The following VPS13B variants were observed in gnomAD, a reference collection of about 807,000 sequenced individuals.
VPS13B encodes intermembrane lipid transfer protein VPS13B.
In VPS13B, 285 loss-of-function variants were observed where a neutral mutation model predicts 426.4. The ratio of observed to expected loss-of-function variants is 0.67; its 90% CI spans 0.61 to 0.74. The LOEUF is 0.74. Ranked by LOEUF, VPS13B falls within the 30% of genes least tolerant of loss-of-function variation. VPS13B has a pLI of 0.00. For synonymous variants in VPS13B, 1,676 were observed against 1,676.4 expected (o/e 1.00, Z 0.01); for missense variants, 4,537 against 4,782.6 (o/e 0.95, Z 1.51).
intron 24 of VPS13B, among the ~76,000 whole-genome samples, chr8:99,480,223 A>T (rs533015996): frequency 6.2e-4 from 95 of 152,288 alleles, no homozygotes; most frequent in African/African-American, 2.2e-3. Context: ...GAGTTCTGTT[A>T]GCAACTTTCT....
At chr8:99,037,133 T>C (rs1842779447) in intron 2 of VPS13B, among the ~76,000 whole-genome samples, 2 of 152,160 alleles carry the variant, frequency 1.3e-5, no homozygotes, top group South Asian at 2.1e-4. Context: ...CTGATCAATA[T>C]ATAATCTTGT....
chr8:99,849,776 G>A (rs1816163960), intron 55 of VPS13B, among the ~76,000 whole-genome samples: 2 of 152,056 alleles, frequency 1.3e-5, no homozygotes, highest in African/African-American at 4.8e-5. Flanking sequence ...ATACATAATT[G>A]TACTATAAAT....
intron 2 of VPS13B, among the ~76,000 whole-genome samples, chr8:99,035,962 G>A (rs1193366465): frequency 6.6e-6 from 1 of 151,864 alleles, no homozygotes; most frequent in Non-Finnish European, 1.5e-5. Flanking sequence ...TTGTGGACAT[G>A]GCTTCAATTC....
intron 2 of VPS13B, among the ~76,000 whole-genome samples, chr8:99,014,212 G>A (rs1420996116): frequency 6.9e-6 from 1 of 144,656 alleles, no homozygotes; most frequent in African/African-American, 2.5e-5. Context: ...CCGCCTCCGG[G>A]ACTCAGGCAG....
chr8:99,250,147 GT>G (rs780124935), intron 17 of VPS13B, among the ~76,000 whole-genome samples: 24 of 152,100 alleles, frequency 1.6e-4, no homozygotes, highest in Admixed American at 5.9e-4. Context: ...TTTTTAATAT[GT>G]TTATTTGCTA....
At chr8:99,342,353 C>T (rs190630801) in intron 19 of VPS13B, among the ~76,000 whole-genome samples, 1 of 152,322 alleles carries the variant, frequency 6.6e-6, no homozygotes, top group African/African-American at 2.4e-5. Context: ...TATGCCTCCT[C>T]TCTGTCTGAA....
At chr8:99,696,997 G>T in intron 35 of VPS13B, 1 of 606,520 alleles carries the variant, frequency 1.6e-6, no homozygotes, top group Non-Finnish European at 3.1e-6. Context: ...TGTGGGAAGT[G>T]AGGTATGTGG....
chr8:99,357,094 A>C (rs1812221335), intron 19 of VPS13B, among the ~76,000 whole-genome samples: 1 of 152,226 alleles, frequency 6.6e-6, no homozygotes, highest in Non-Finnish European at 1.5e-5. Context: ...AAAACACTAC[A>C]TTCAATCTAA....
intron 56 of VPS13B, among the ~76,000 whole-genome samples, chr8:99,855,755 A>C (rs1816514532): frequency 6.6e-6 from 1 of 152,234 alleles, no homozygotes. Flanking sequence ...AGGGTTATCT[A>C]GACTCTTTTA....
Position 99,103,233 on chromosome 8 carries a change from G to T in VPS13B, c.580+113G>T, listed in dbSNP as rs774789077. 1.6e-4 allele frequency: 206 copies of T among 1,262,342 alleles called. 1 individual carries two copies. The highest frequency in any genetic ancestry group is 2.1e-4 in the Non-Finnish European group (184 of 868,740). 78.2% of individuals were successfully genotyped at this position (1,262,342 alleles called of 1,614,324 possible). On this transcript the variant is annotated intron_variant, in intron 5 of 61. Coordinates refer to ENST00000357162, the MANE Select transcript of VPS13B (RefSeq NM_152564.5). ...CTGGTAAATGTTATCAAATCTTCATGCCTCCAGTGTGGGAAAAAAATGCAC... is the reference window on the plus strand; with the variant it reads ...CTGGTAAATGTTATCAAATCTTCATTCCTCCAGTGTGGGAAAAAAATGCAC...
intron 27 of VPS13B, among the ~76,000 whole-genome samples, chr8:99,505,204 A>G (rs944450156): frequency 1.3e-5 from 2 of 152,222 alleles, no homozygotes; most frequent in African/African-American, 4.8e-5. Flanking sequence ...GCCTATCAGC[A>G]ATAAGGCTGT....
At chr8:99,150,933 T>A (rs1422043026) in intron 14 of VPS13B, among the ~76,000 whole-genome samples, 1 of 152,172 alleles carries the variant, frequency 6.6e-6, no homozygotes, top group Non-Finnish European at 1.5e-5. Context: ...GCTAAAAGTA[T>A]GTTTAGTTTT....
intron 43 of VPS13B, among the ~76,000 whole-genome samples, chr8:99,785,110 T>C (rs891767290): frequency 6.6e-6 from 1 of 152,164 alleles, no homozygotes; most frequent in African/African-American, 2.4e-5. Context: ...GTAATTTCAT[T>C]TTCCTGTCCC....
At chr8:99,537,068 GA>G (rs1262577051) in intron 30 of VPS13B, among the ~76,000 whole-genome samples, 2 of 151,996 alleles carry the variant, frequency 1.3e-5, no homozygotes, top group Non-Finnish European at 2.9e-5. Context: ...AATATGTTTT[GA>G]TTTTTTAATC....
intron 34 of VPS13B, among the ~76,000 whole-genome samples, chr8:99,656,357 C>A (rs1429717534): frequency 6.6e-6 from 1 of 152,154 alleles, no homozygotes; most frequent in Non-Finnish European, 1.5e-5. Flanking sequence ...TAAATGTGCT[C>A]ATCAACATCA....
At chr8:99,390,508 A>T (rs1289091761) in intron 20 of VPS13B, among the ~76,000 whole-genome samples, 3 of 152,318 alleles carry the variant, frequency 2.0e-5, no homozygotes, top group Non-Finnish European at 4.4e-5. Flanking sequence ...TAGTTATATA[A>T]TAAACATGTT....
intron 36 of VPS13B, among the ~76,000 whole-genome samples, chr8:99,707,216 A>T (rs1050265804): frequency 6.6e-6 from 1 of 152,180 alleles, no homozygotes; most frequent in African/African-American, 2.4e-5. Context: ...CAGAATCTGC[A>T]CCCCAGCCCT....
At chr8:99,414,646 G>T (rs1413003382) in intron 21 of VPS13B, among the ~76,000 whole-genome samples, 1 of 152,088 alleles carries the variant, frequency 6.6e-6, no homozygotes. Context: ...TTTCCTTTCT[G>T]TAAAGGATTT....
intron 17 of VPS13B, among the ~76,000 whole-genome samples, chr8:99,262,908 G>T (rs1818120096): frequency 6.6e-6 from 1 of 151,936 alleles, no homozygotes; most frequent in Non-Finnish European, 1.5e-5. Context: ...AAGTAGCTGG[G>T]ACCACAGGTG....
Sources: gnomAD v4.1 joint callset for allele counts (sites outside exome capture counted in the v4.1 genomes callset) on GRCh38, gnomAD v4.1.1 for gene constraint, MANE v1.5 for transcripts, NCBI Gene and HGNC (gene_info 2026-07-23, HGNC 2026-07-21) for gene names.